The following SNX29 variants were observed in gnomAD, a reference collection of about 807,000 sequenced individuals.
SNX29 encodes sorting nexin-29.
A neutral mutation model predicts 102.1 loss-of-function variants in SNX29; 78 were observed. The observed-to-expected ratio is 0.76, with a 90% confidence interval of 0.64 to 0.92. The LOEUF is 0.92. Ranked by LOEUF, SNX29 falls within the 40% of genes least tolerant of loss-of-function variation. The pLI is 0.00. For synonymous variants in SNX29, 580 were observed against 414.5 expected (o/e 1.40, Z -4.85); for missense variants, 1,280 against 1,061.7 (o/e 1.21, Z -2.86).
Position 12,245,200 on chromosome 16 carries a change from G to A in SNX29, c.1679-32733G>A, listed in dbSNP as rs569325909. ...CTCTGAAATTGGTCGTTCTTACAGC[G>A]GAATCCTGGCATTGCTCCCTATGAG... On this transcript the variant is annotated intron_variant, in intron 14 of 20. Transcript: ENST00000566228. Among the ~76,000 whole-genome samples, 39 of 152,160 alleles carry A rather than the reference G, an allele frequency of 2.6e-4. No individual in the cohort carries two copies. The South Asian group carries it at 6.2e-3, about 24-fold the overall frequency.
At chr16:12,018,981 A>G (rs1328134379) in intron 3 of SNX29, among the ~76,000 whole-genome samples, 1 of 151,908 alleles carries the variant, frequency 6.6e-6, no homozygotes, top group African/African-American at 2.4e-5. Context: ...ATTTAATATT[A>G]CAATCTAACC....
intron 14 of SNX29, among the ~76,000 whole-genome samples, chr16:12,256,948 C>G (rs2078591307): frequency 6.6e-6 from 1 of 152,182 alleles, no homozygotes; most frequent in Admixed American, 6.5e-5. Context: ...TATTAGTTTT[C>G]TTTTGGTGTG....
chr16:12,331,429 C>G (rs1036999859), intron 15 of SNX29, among the ~76,000 whole-genome samples: 1 of 152,156 alleles, frequency 6.6e-6, no homozygotes, highest in African/African-American at 2.4e-5. Flanking sequence ...GCATAGCGTA[C>G]GTATAGGTGC....
chr16:12,553,230 T>G (rs902609355), intron 20 of SNX29, among the ~76,000 whole-genome samples: 2 of 151,250 alleles, frequency 1.3e-5, no homozygotes, highest in Non-Finnish European at 2.9e-5. Context: ...GATGGGGACT[T>G]GAGAATACAG....
At chr16:12,399,778 G>A (rs971453868) in intron 17 of SNX29, among the ~76,000 whole-genome samples, 1 of 152,118 alleles carries the variant, frequency 6.6e-6, no homozygotes, top group Non-Finnish European at 1.5e-5. Context: ...GGCTGAGGTG[G>A]GTGAGAGGTG....
At chr16:12,278,455 C>A (rs1461860687) in intron 15 of SNX29, among the ~76,000 whole-genome samples, 2 of 151,552 alleles carry the variant, frequency 1.3e-5, no homozygotes, top group African/African-American at 4.9e-5. Flanking sequence ...GAAGGGACCC[C>A]CTCACCCTCA....
At chr16:12,547,462 G>A (rs1305933498) in intron 20 of SNX29, among the ~76,000 whole-genome samples, 1 of 152,142 alleles carries the variant, frequency 6.6e-6, no homozygotes, top group African/African-American at 2.4e-5. Context: ...GGCAGCCTGG[G>A]AAGGGGTATT....
At position 12,227,901 on chromosome 16, in the gene SNX29, A is replaced by T. The variant is rs1298930607; in HGVS notation, c.1678+28218A>T. On this transcript the variant is annotated intron_variant, in intron 14 of 20. Transcript: ENST00000566228. ...GGCAACAGAGCGAGACTCTGTCTTA[A>T]AAAAAAAAAAAAAAAAAAAAAAAAA... 2.0e-3 allele frequency among the ~76,000 whole-genome samples: 72 copies of T among 35,818 alleles called. 1 individual carries two copies. The highest frequency in any genetic ancestry group is 2.1e-3 in the Non-Finnish European group (47 of 22,486). The allele number at this position is 35,818 out of a possible 152,430, so 23.5% of individuals were successfully genotyped here. A position where few individuals can be genotyped will look rare whatever the true frequency, so the allele number is the denominator to read the frequency against.
chr16:12,346,235 G>C (rs1392324453), intron 15 of SNX29, among the ~76,000 whole-genome samples: 2 of 152,170 alleles, frequency 1.3e-5, no homozygotes, highest in Admixed American at 1.3e-4. Flanking sequence ...AGCGGGGACA[G>C]ACCTTGGAGA....
chr16:12,503,411 C>T (rs868308119), intron 19 of SNX29, among the ~76,000 whole-genome samples: 4 of 152,048 alleles, frequency 2.6e-5, no homozygotes, highest in South Asian at 2.1e-4. Flanking sequence ...CAGATAAGCC[C>T]GTGCACTGAG....
Position 12,573,536 on chromosome 16 carries a change from G to A in SNX29, c.*4907G>A, listed in dbSNP as rs3169267. 54,047 of 223,792 alleles carry A rather than the reference G, an allele frequency of 0.24. 6,873 individuals carry two copies. The highest frequency in any genetic ancestry group is 0.43 in the East Asian group (6,598 of 15,340). 13.9% of individuals were successfully genotyped at this position (223,792 alleles called of 1,614,324 possible). ...CCAGGGATTTAGTTCTTACTGGTGC[G>A]TAAGTGTTTTCCCATCCTAACCGGA... is the stretch of plus-strand genomic sequence containing the variant. On this transcript the variant is annotated 3_prime_UTR_variant, in exon 21 of 21. Transcript: ENST00000566228.
At chr16:12,382,233 G>C (rs140607578) in intron 16 of SNX29, among the ~76,000 whole-genome samples, 1 of 152,276 alleles carries the variant, frequency 6.6e-6, no homozygotes, top group East Asian at 1.9e-4. Flanking sequence ...CAGGGAAGTC[G>C]TATTTCCCTG....
chr16:12,496,083 G>C (rs210715), intron 19 of SNX29, among the ~76,000 whole-genome samples: 74,772 of 152,028 alleles, frequency 0.49, 19,249 homozygotes, highest in South Asian at 0.65. Flanking sequence ...GAGCGCAGAG[G>C]TACTGAGAAC....
chr16:12,524,200 C>G (rs1207126252), intron 19 of SNX29, among the ~76,000 whole-genome samples: 2 of 152,118 alleles, frequency 1.3e-5, no homozygotes, highest in African/African-American at 4.8e-5. Flanking sequence ...TTAATAAAAC[C>G]TCTTTCTTAA....
At chr16:12,041,488 C>T (rs1278198586) in intron 4 of SNX29, among the ~76,000 whole-genome samples, 1 of 152,224 alleles carries the variant, frequency 6.6e-6, no homozygotes. Flanking sequence ...AATTTATTCT[C>T]CCACAGTTCT....
In SNX29 at chr16:12,572,335, G is replaced by GC; in HGVS notation, c.*3708dup. 9.4e-7 allele frequency: 1 copy of GC among 1,063,180 alleles called. No individual in the cohort carries two copies. Among genetic ancestry groups the GC allele is most frequent in the Non-Finnish European group, 1.1e-6 (1 of 877,880 alleles). 65.9% of individuals were successfully genotyped at this position (1,063,180 alleles called of 1,614,324 possible). A position where few individuals can be genotyped will look rare whatever the true frequency, so the allele number is the denominator to read the frequency against. On this transcript the variant is annotated 3_prime_UTR_variant, in exon 21 of 21. Transcript: ENST00000566228. ...TTGGAAACAGGAGTGAAGCCCACCAGCCTGCCTGGTTGATGGACAGCAGGC... is the reference window on the plus strand; with the variant it reads ...TTGGAAACAGGAGTGAAGCCCACCAGCCCTGCCTGGTTGATGGACAGCAGGC...
At chr16:12,328,610 G>A (rs929034031) in intron 15 of SNX29, among the ~76,000 whole-genome samples, 6 of 151,994 alleles carry the variant, frequency 3.9e-5, no homozygotes, top group Middle Eastern at 3.2e-3. Context: ...CTGACTTCTC[G>A]GTCAGCTCCA....
intron 19 of SNX29, among the ~76,000 whole-genome samples, chr16:12,512,367 AAAATATATATATATATATATATATATAT>A (rs1176126520): frequency 5.3e-4 from 21 of 39,488 alleles, no homozygotes; most frequent in South Asian, 4.3e-3. Flanking sequence ...AGGCCCAGGG[AAAATATATATATATATATATATATATAT>A]ATATATATAT....
rs1343985250 is a variant in SNX29 at position 12,254,034 on chromosome 16, G to A, written c.1679-23899G>A. ...GTGAGAGCAGTACCAGATGCCTCCA[G>A]GGCATTGTCCTGAGCAGCCAGAAGG... On this transcript the variant is annotated intron_variant, in intron 14 of 20. Coordinates refer to ENST00000566228, the MANE Select transcript of SNX29 (RefSeq NM_032167.5). Among the ~76,000 whole-genome samples the A allele has an allele frequency of 1.3e-5, 2 of 152,248 alleles. 1 individual carries two copies. Among genetic ancestry groups the A allele is most frequent in the Middle Eastern group, 6.8e-3 (2 of 294 alleles).
Sources: gnomAD v4.1 joint callset for allele counts (sites outside exome capture counted in the v4.1 genomes callset) on GRCh38, gnomAD v4.1.1 for gene constraint, MANE v1.5 for transcripts, NCBI Gene and HGNC (gene_info 2026-07-23, HGNC 2026-07-21) for gene names.